Variants in MPRIP observed in about 807,000 individuals in gnomAD.
The protein encoded by MPRIP is myosin phosphatase Rho interacting protein, also known as myosin phosphatase Rho-interacting protein.
Under a neutral mutation model 234.9 loss-of-function variants are expected in MPRIP, and 59 were observed. That is an observed-to-expected ratio of 0.25 (90% CI 0.20 to 0.31). MPRIP has a LOEUF of 0.31. MPRIP is among the 10% of genes least tolerant of loss of function. MPRIP has a pLI of 1.00. For synonymous variants in MPRIP, 1,144 were observed against 1,263.9 expected (o/e 0.91, Z 2.01); for missense variants, 2,436 against 3,071.0 (o/e 0.79, Z 4.89).
At chr17:17,175,856 T>C (rs886482310) in intron 20 of MPRIP, among the ~76,000 whole-genome samples, 1 of 152,206 alleles carries the variant, frequency 6.6e-6, no homozygotes, top group Admixed American at 6.5e-5. Flanking sequence ...TAAAATGTGC[T>C]AAAATTTCAG....
Position 17,078,163 on chromosome 17 carries a change from A to ATG in MPRIP, c.267+87_267+88insTG. Reference sequence around the variant, plus strand: ...CCCTTGCGTTGTCATGTGAGAGCACAGCAGCCATGTGCTCCTGCTTGTGTC... The same window carrying ATG: ...CCCTTGCGTTGTCATGTGAGAGCACATGGCAGCCATGTGCTCCTGCTTGTGTC... On this transcript the variant is annotated intron_variant, in intron 3 of 23. Transcript: ENST00000651222. This position sits in a 1 kb window ranked among gnomAD's most constrained non-coding sequence, Gnocchi z 4.3. 7.4e-7 allele frequency: 1 copy of ATG among 1,351,556 alleles called. No homozygotes were observed. Among genetic ancestry groups the ATG allele is most frequent in the Non-Finnish European group, 1.1e-6 (1 of 946,636 alleles). The allele number at this position is 1,351,556 out of a possible 1,614,324, so 83.7% of individuals were successfully genotyped here.
At chr17:17,168,166 C>T (rs1003389320) in intron 16 of MPRIP, 7 of 336,472 alleles carry the variant, frequency 2.1e-5, no homozygotes, top group Non-Finnish European at 4.1e-5. Flanking sequence ...GAGAGGAGCA[C>T]GTAGTCTTCC....
chr17:17,184,444 G>C (rs1277232906), intron 23 of MPRIP, among the ~76,000 whole-genome samples: 2 of 152,220 alleles, frequency 1.3e-5, no homozygotes, highest in African/African-American at 2.4e-5. Flanking sequence ...TCTGGAGCTG[G>C]ATGTGGACAA....
rs2089375466 is a variant in MPRIP, at chr17:17,078,025, G to T, written c.216G>T (p.Arg72=). Residue 72 remains arginine, a synonymous_variant, in exon 3 of 24, where the codon CGG becomes CGT. Transcript: ENST00000651222. This position sits in a 1 kb window ranked among gnomAD's most constrained non-coding sequence, Gnocchi z 4.3. ...PVHRSRKWQR[R]FFILYEHGLL... ...CTCCGTTGCAGAAATGGCAGCGACG[G>T]TTCTTCATCCTTTACGAGCACGGCC... 3 of 1,614,170 alleles carry T rather than the reference G, an allele frequency of 1.9e-6. No homozygotes were observed. Among genetic ancestry groups the T allele is most frequent in the Non-Finnish European group, 2.5e-6 (3 of 1,180,018 alleles).
At position 17,188,833 on chromosome 17, in the gene MPRIP, G is replaced by T. The variant is rs1463098295; in HGVS notation, c.*3939G>T. The T allele has an allele frequency of 6.6e-6, 1 of 152,288 alleles. No individual in the cohort carries two copies. The allele number at this position is 152,288 out of a possible 1,614,324, so 9.4% of individuals were successfully genotyped here. A position where few individuals can be genotyped will look rare whatever the true frequency, so the allele number is the denominator to read the frequency against. On this transcript the variant is annotated 3_prime_UTR_variant, in exon 24 of 24. Coordinates refer to ENST00000651222, the MANE Select transcript of MPRIP (RefSeq NM_001364716.4). ...GCCCTGGAGGCCAAGGCCACCCTGTGTGGGGTCCCTGTTGGCAGCCAGGTC... is the reference window on the plus strand; with the variant it reads ...GCCCTGGAGGCCAAGGCCACCCTGTTTGGGGTCCCTGTTGGCAGCCAGGTC...
At chr17:17,135,434 T>C (rs527989251) in intron 5 of MPRIP, among the ~76,000 whole-genome samples, 5 of 152,254 alleles carry the variant, frequency 3.3e-5, no homozygotes, top group Non-Finnish European at 7.3e-5. Context: ...TGTGAGTGTG[T>C]GCCTGTGTGC....
chr17:17,075,413 T>C (rs933357141), intron 1 of MPRIP, among the ~76,000 whole-genome samples: 1 of 152,106 alleles, frequency 6.6e-6, no homozygotes, highest in Non-Finnish European at 1.5e-5. Context: ...CATTTTTTCC[T>C]GATCTTGGTG....
intron 13 of MPRIP, among the ~76,000 whole-genome samples, 194 bp downstream of exon 13, chr17:17,154,609 T>C (rs370919918): frequency 6.6e-6 from 1 of 152,244 alleles, no homozygotes; most frequent in Non-Finnish European, 1.5e-5. Context: ...TCTGGTTCTT[T>C]TCTCTTGTAA....
chr17:17,086,649 C>G lies in MPRIP; in HGVS notation c.267+8573C>G, dbSNP rs996146972. Among the ~76,000 whole-genome samples, 9 of 152,260 alleles carry G rather than the reference C, an allele frequency of 5.9e-5. No homozygotes were observed. In the South Asian group the frequency reaches 1.0e-3, roughly 18 times the overall value. On this transcript the variant is annotated intron_variant, in intron 3 of 23. Coordinates refer to ENST00000651222, the MANE Select transcript of MPRIP (RefSeq NM_001364716.4). ...AAGGTGAGTGAGCCAGGTCTGGGTG[C>G]AGGTGAACCCAGGTAGGATGGAAAC... is the stretch of plus-strand genomic sequence containing the variant.
chr17:17,153,365 C>T (rs1008488853), intron 12 of MPRIP, among the ~76,000 whole-genome samples: 9 of 152,112 alleles, frequency 5.9e-5, no homozygotes, highest in Non-Finnish European at 1.2e-4. Flanking sequence ...GAGCAGCTCT[C>T]GGTTCAAGGC....
intron 20 of MPRIP, 54 bp from the exon 21 acceptor site, chr17:17,176,370 ACT>A (rs2046253359): frequency 2.2e-6 from 3 of 1,350,192 alleles, no homozygotes; most frequent in Admixed American, 1.7e-5. Flanking sequence ...TGCTGTGGAG[ACT>A]CTGGAGGTTT....
intron 13 of MPRIP, among the ~76,000 whole-genome samples, chr17:17,155,624 A>G (rs1425106840): frequency 1.3e-5 from 2 of 152,204 alleles, no homozygotes; most frequent in Non-Finnish European, 2.9e-5. Flanking sequence ...AAGAACTCCT[A>G]AATTGATTTC....
Position 17,166,418 on chromosome 17 carries a change from G to A in MPRIP, c.4827G>A (p.Gly1609=), listed in dbSNP as rs2045998541. 7.7e-7 allele frequency: 1 copy of A among 1,304,284 alleles called. No individual in the cohort carries two copies. 80.8% of individuals were successfully genotyped at this position (1,304,284 alleles called of 1,614,324 possible). A position where few individuals can be genotyped will look rare whatever the true frequency, so the allele number is the denominator to read the frequency against. ...GACAGCCACCGATGGAATCTGCTGG[G>A]GCCCCCGTAGACACCTGGGCCAGGA... The part of the protein sequence containing the change: ...WSGQPPMESA[G]APVDTWARKV... Residue 1609 remains glycine, a synonymous_variant, in exon 16 of 24, where the codon GGG becomes GGA. Coordinates refer to ENST00000651222, the MANE Select transcript of MPRIP (RefSeq NM_001364716.4). This position sits in a 1 kb window ranked among gnomAD's most constrained non-coding sequence, Gnocchi z 4.4.
intron 16 of MPRIP, chr17:17,168,517 T>C (rs1006325318): frequency 4.5e-5 from 14 of 313,246 alleles, no homozygotes; most frequent in Non-Finnish European, 8.1e-5. Context: ...CCCCAGGACC[T>C]TTACAAGTAG....
Position 17,164,513 on chromosome 17 carries a change from G to T in MPRIP, c.2922G>T (p.Arg974=), listed in dbSNP as rs898932759. The change falls in exon 16 of 24, where the codon CGG becomes CGT. Residue 974 remains arginine (R), a synonymous_variant. Coordinates refer to ENST00000651222, the MANE Select transcript of MPRIP (RefSeq NM_001364716.4). ...ALLLEKTQEL[R]GLETQQALQR... ...TGCTGGAGAAGACGCAGGAGCTACGGGGCCTGGAGACACAGCAGGCGCTGC... is the reference window on the plus strand; with the variant it reads ...TGCTGGAGAAGACGCAGGAGCTACGTGGCCTGGAGACACAGCAGGCGCTGC... The T allele has an allele frequency of 7.4e-6, 9 of 1,210,064 alleles. No homozygotes were observed. The Admixed American group carries it at 2.4e-4, about 33-fold the overall frequency. 75.0% of individuals were successfully genotyped at this position (1,210,064 alleles called of 1,614,324 possible).
At chr17:17,111,335 GC>G (rs202158250) in intron 3 of MPRIP, among the ~76,000 whole-genome samples, 4,051 of 151,800 alleles carry the variant, frequency 0.027, 105 homozygotes, top group East Asian at 0.12. Flanking sequence ...CAGTGGCCTT[GC>G]CCTTGAAGGA....
intron 3 of MPRIP, among the ~76,000 whole-genome samples, chr17:17,118,817 TG>T (rs537341886): frequency 1.9e-3 from 292 of 152,222 alleles, no homozygotes; most frequent in African/African-American, 6.4e-3. Context: ...ACTTGGGCTT[TG>T]GGGATATCTG....
At chr17:17,136,527 C>T in intron 6 of MPRIP, 77 bp downstream of exon 6, 1 of 1,421,798 alleles carries the variant, frequency 7.0e-7, no homozygotes, top group Admixed American at 2.0e-5. Flanking sequence ...GGGATTCAGC[C>T]AAGGCCTGTA....
At chr17:17,140,579 C>G (rs1252126938) in intron 7 of MPRIP, among the ~76,000 whole-genome samples, 1 of 152,202 alleles carries the variant, frequency 6.6e-6, no homozygotes, top group Non-Finnish European at 1.5e-5. Flanking sequence ...TTCTTGGCCA[C>G]ACCTACCTGA....
Sources: allele counts gnomAD v4.1 joint callset (sites outside exome capture counted in the v4.1 genomes callset), GRCh38; gene constraint gnomAD v4.1.1; non-coding constraint Gnocchi (gnomAD v3.1); transcripts MANE v1.5; gene names NCBI Gene and HGNC (gene_info 2026-07-23, HGNC 2026-07-21).